Variants in WHRN observed in about 807,000 individuals in gnomAD.
WHRN encodes whirlin.
Under a neutral mutation model 68.3 loss-of-function variants are expected in WHRN, and 41 were observed. That is an observed-to-expected ratio of 0.60 (90% CI 0.47 to 0.78). The LOEUF is 0.78. Ranked by LOEUF, WHRN falls within the 30% of genes least tolerant of loss-of-function variation. The pLI is 0.00. For missense variants in WHRN, 1,243 were observed against 1,244.7 expected (o/e 1.00, Z 0.02); for synonymous variants, 560 against 561.3 (o/e 1.00, Z 0.03).
intron 3 of WHRN, among the ~76,000 whole-genome samples, chr9:114,437,498 C>A (rs114654071): frequency 9.9e-5 from 15 of 152,144 alleles, no homozygotes; most frequent in Admixed American, 6.5e-4. Context: ...GTGTCCCCCC[C>A]CAAATTCCTA....
chr9:114,482,893 C>T (rs1486115417), intron 1 of WHRN, among the ~76,000 whole-genome samples: 2 of 152,048 alleles, frequency 1.3e-5, no homozygotes, highest in Admixed American at 1.3e-4. Flanking sequence ...CTCCCACAGG[C>T]TGCCCACCCC....
chr9:114,466,140 AG>A (rs1408529175), intron 3 of WHRN, 126 bp downstream of exon 3: 2 of 1,440,846 alleles, frequency 1.4e-6, no homozygotes, highest in Non-Finnish European at 1.9e-6. Flanking sequence ...TACAGCAGCC[AG>A]GGAGGGCTCC....
Position 114,504,626 on chromosome 9 carries a change from G to T in WHRN, c.176C>A (p.Thr59Asn). The T allele has an allele frequency of 6.2e-7, 1 of 1,609,932 alleles. No homozygotes were observed. The highest frequency in any genetic ancestry group is 8.5e-7 in the Non-Finnish European group (1 of 1,178,810). The change falls in exon 1 of 12, where the codon ACC becomes AAC. Residue 59 changes from threonine (T) to asparagine (N), a missense_variant. Transcript: ENST00000362057. ...CGCGTGGTAAGCGTTCAGGCAGTGG[G>T]TGAACTGCTCCCGCTCCGCCTCGCT... ...LLSEAEREQF[T>N]HCLNAYHARR...
chr9:114,412,598 A>G (rs528283402), intron 7 of WHRN, among the ~76,000 whole-genome samples: 9 of 152,362 alleles, frequency 5.9e-5, no homozygotes, highest in African/African-American at 1.2e-4. Context: ...CCTGCTTCCC[A>G]TAAGAGCCAA....
chr9:114,418,819 T>C (rs957511033), intron 7 of WHRN, among the ~76,000 whole-genome samples: 5 of 152,226 alleles, frequency 3.3e-5, no homozygotes, highest in African/African-American at 1.2e-4. Context: ...TTGCCTGCTT[T>C]ATTTTTCTCC....
Position 114,464,477 on chromosome 9 carries a change from C to T in WHRN, c.963+1790G>A, listed in dbSNP as rs113384467. On this transcript the variant is annotated intron_variant, in intron 3 of 11. Transcript: ENST00000362057. ...CTGTGTCCTCACATGGTGGAAGGGG[C>T]GAGGCAGTTCTTGGAGCCTCTTTTA... Among the ~76,000 whole-genome samples, 96 of 152,148 alleles carry T rather than the reference C, an allele frequency of 6.3e-4. 1 individual carries two copies. Among genetic ancestry groups the T allele is most frequent in the African/African-American group, 2.1e-3 (88 of 41,524 alleles).
intron 2 of WHRN, among the ~76,000 whole-genome samples, chr9:114,470,830 C>T (rs1461069966): frequency 1.3e-5 from 2 of 152,038 alleles, no homozygotes; most frequent in South Asian, 2.1e-4. Context: ...CCACCCCACC[C>T]CGGGGCCCTT....
At chr9:114,470,097 G>A (rs944731907) in intron 2 of WHRN, among the ~76,000 whole-genome samples, 1 of 152,154 alleles carries the variant, frequency 6.6e-6, no homozygotes, top group Non-Finnish European at 1.5e-5. Flanking sequence ...CATCCCTTTT[G>A]CTATATAAGG....
At chr9:114,456,621 A>C (rs10739418) in intron 3 of WHRN, among the ~76,000 whole-genome samples, 113,607 of 151,652 alleles carry the variant, frequency 0.75, 42,723 homozygotes, top group East Asian at 0.97. Context: ...TGAGGTGGGG[A>C]GTTTAAGACC....
In WHRN at chr9:114,505,369, C is replaced by T. The variant is rs1589291087; in HGVS notation, c.-568G>A. ...GTCCGACAAGGGGTGCGGGGCATGT[C>T]CGGGGCAGCCCCGGGATGCAGCCGC... On this transcript the variant is annotated 5_prime_UTR_variant, in exon 1 of 12. Transcript: ENST00000362057. 1 of 152,086 alleles carries T rather than the reference C, an allele frequency of 6.6e-6. No individual in the cohort carries two copies. The highest frequency in any genetic ancestry group is 2.4e-5 in the African/African-American group (1 of 41,400). 9.4% of individuals were successfully genotyped at this position (152,086 alleles called of 1,614,324 possible).
At chr9:114,428,214 T>A (rs1244707572) in intron 3 of WHRN, among the ~76,000 whole-genome samples, 1 of 152,080 alleles carries the variant, frequency 6.6e-6, no homozygotes, top group African/African-American at 2.4e-5. Context: ...TAGTCCCAGC[T>A]ACTCGGGAGG....
intron 1 of WHRN, among the ~76,000 whole-genome samples, chr9:114,501,884 T>C (rs1339998627): frequency 1.3e-5 from 2 of 152,216 alleles, no homozygotes; most frequent in African/African-American, 4.8e-5. Context: ...CTGTGCCTAG[T>C]AGAAAAGCTG....
At chr9:114,442,792 C>T (rs1838486303) in intron 3 of WHRN, among the ~76,000 whole-genome samples, 2 of 152,292 alleles carry the variant, frequency 1.3e-5, no homozygotes, top group East Asian at 1.9e-4. Context: ...GTTGCTGGCA[C>T]GGCCTGCAGA....
chr9:114,486,961 A>C (rs1210020854), intron 1 of WHRN, among the ~76,000 whole-genome samples: 1 of 1,262 alleles, frequency 7.9e-4, no homozygotes, highest in African/African-American at 1.1e-3. Context: ...GTGTGTGTGT[A>C]TATATATATA....
At chr9:114,449,955 C>A (rs563270933) in intron 3 of WHRN, among the ~76,000 whole-genome samples, 16 of 152,148 alleles carry the variant, frequency 1.1e-4, no homozygotes, top group African/African-American at 2.7e-4. Context: ...TCATTATTAT[C>A]AAAAACTGGA....
intron 2 of WHRN, among the ~76,000 whole-genome samples, chr9:114,474,450 C>T (rs12552405): frequency 0.084 from 12,810 of 152,098 alleles, 825 homozygotes; most frequent in East Asian, 0.34. Context: ...CATTCCCAGC[C>T]CAGCATCTCA....
rs770524587 is a variant in WHRN, at chr9:114,504,187, G to C, written c.615C>G (p.Val205=). ...TCTCTCCAAACCACAGCCTTACCTT[G>C]ACGGCCTCCGCGTGGGTCACCCGGG... is the stretch of plus-strand genomic sequence containing the variant. The part of the protein sequence containing the change: ...SLARVTHAEA[V]KALKGSKKLV... The change falls in exon 1 of 12, where the codon GTC becomes GTG. Residue 205 remains valine, a synonymous_variant. Coordinates refer to ENST00000362057, the MANE Select transcript of WHRN (RefSeq NM_015404.4). 7.4e-6 allele frequency: 12 copies of C among 1,614,096 alleles called. No homozygotes were observed. Among genetic ancestry groups the C allele is most frequent in the African/African-American group, 1.3e-5 (1 of 75,046 alleles).
At chr9:114,423,565 C>T in intron 6 of WHRN, 42 bp from the exon 7 acceptor site, 1 of 1,564,360 alleles carries the variant, frequency 6.4e-7, no homozygotes. Context: ...GGGAGCGCTA[C>T]TAGAAGGTGG....
chr9:114,483,574 C>T (rs1194764741), intron 1 of WHRN, among the ~76,000 whole-genome samples: 1 of 152,180 alleles, frequency 6.6e-6, no homozygotes, highest in Non-Finnish European at 1.5e-5. Context: ...GAGATCCTCA[C>T]CCATGGTTAC....
Sources: allele counts gnomAD v4.1 joint callset (sites outside exome capture counted in the v4.1 genomes callset), GRCh38; gene constraint gnomAD v4.1.1; transcripts MANE v1.5; gene names NCBI Gene and HGNC (gene_info 2026-07-23, HGNC 2026-07-21).